The following TRABD2B variants were observed in gnomAD, a reference collection of about 807,000 sequenced individuals.
TRABD2B encodes TraB domain containing 2B, also known as metalloprotease TIKI2.
In TRABD2B, 14 loss-of-function variants were observed where a neutral mutation model predicts 40.1. The observed-to-expected ratio is 0.35, with a 90% CI of 0.23 to 0.55. The LOEUF is 0.55. TRABD2B is among the 20% of genes least tolerant of loss of function. The pLI is 0.90. For missense variants in TRABD2B, 541 were observed against 648.6 expected (o/e 0.83, Z 1.80); for synonymous variants, 263 against 277.0 (o/e 0.95, Z 0.50).
chr1:47,958,373 T>G (rs1570366821), intron 2 of TRABD2B, among the ~76,000 whole-genome samples: 1 of 146,870 alleles, frequency 6.8e-6, no homozygotes, highest in African/African-American at 2.5e-5. Context: ...TAACCTTAAA[T>G]GTAAATGGGC....
chr1:47,965,943 C>A (rs551635377), intron 2 of TRABD2B, among the ~76,000 whole-genome samples: 1 of 152,274 alleles, frequency 6.6e-6, no homozygotes, highest in East Asian at 1.9e-4. Context: ...GCAGCAGACA[C>A]CCCTCACTGT....
chr1:47,924,387 C>T (rs1162648527), intron 2 of TRABD2B, among the ~76,000 whole-genome samples: 1 of 152,184 alleles, frequency 6.6e-6, no homozygotes, highest in African/African-American at 2.4e-5. Context: ...AAGCTCTTCT[C>T]CCCAGCCTAC....
At position 47,886,037 on chromosome 1, in the gene TRABD2B, T is replaced by C. The variant is rs200022764; in HGVS notation, c.667-84418A>G. Among the ~76,000 whole-genome samples, 25 of 152,312 alleles carry C rather than the reference T, an allele frequency of 1.6e-4. No individual in the cohort carries two copies. The East Asian group carries it at 3.1e-3, about 19-fold the overall frequency. On this transcript the variant is annotated intron_variant, in intron 2 of 6. Transcript: ENST00000606738. ...ATTTTGTAGCTATTGGATAAGAATA[T>C]AGGAAGTGAGATAGAGAAACTGCGA...
chr1:47,843,210 C>G (rs532072975), intron 2 of TRABD2B, among the ~76,000 whole-genome samples: 1 of 152,152 alleles, frequency 6.6e-6, no homozygotes, highest in South Asian at 2.1e-4. Flanking sequence ...GGTTTTAAGC[C>G]GGGGGCATAA....
intron 2 of TRABD2B, among the ~76,000 whole-genome samples, chr1:47,982,573 G>A (rs1347342899): frequency 6.6e-6 from 1 of 152,154 alleles, no homozygotes; most frequent in African/African-American, 2.4e-5. Flanking sequence ...AAAGTACTTA[G>A]CCTCAGTGTC....
intron 2 of TRABD2B, among the ~76,000 whole-genome samples, chr1:47,870,718 G>A (rs1644128995): frequency 6.6e-6 from 1 of 152,176 alleles, no homozygotes; most frequent in Admixed American, 6.5e-5. Context: ...CACAGACATG[G>A]GAGGAGGTAC....
chr1:47,872,568 G>A (rs1644159789), intron 2 of TRABD2B, among the ~76,000 whole-genome samples: 1 of 152,210 alleles, frequency 6.6e-6, no homozygotes, highest in South Asian at 2.1e-4. Flanking sequence ...AGGCAGCTGA[G>A]CAGAAGTGGG....
intron 5 of TRABD2B, 91 bp from the exon 6 acceptor site, chr1:47,775,530 C>A: frequency 1.7e-6 from 2 of 1,203,766 alleles, no homozygotes; most frequent in Non-Finnish European, 2.1e-6. Flanking sequence ...GGGAGTTTGT[C>A]ATGGCAGGAG....
intron 4 of TRABD2B, among the ~76,000 whole-genome samples, chr1:47,782,359 T>G (rs2124121882): frequency 6.6e-6 from 1 of 152,294 alleles, no homozygotes; most frequent in South Asian, 2.1e-4. Context: ...CCTGAATCAC[T>G]GCAGAAACTG....
chr1:47,946,132 A>G (rs890297538), intron 2 of TRABD2B, among the ~76,000 whole-genome samples: 3 of 152,188 alleles, frequency 2.0e-5, no homozygotes, highest in Non-Finnish European at 4.4e-5. Flanking sequence ...GCATTTTTCT[A>G]ATGACTAAAC....
chr1:47,891,212 G>A (rs1284854576), intron 2 of TRABD2B, among the ~76,000 whole-genome samples: 3 of 152,192 alleles, frequency 2.0e-5, no homozygotes, highest in African/African-American at 7.2e-5. Flanking sequence ...ATCATACTAG[G>A]CACTGTTCAC....
chr1:47,818,633 G>A (rs1645066471), intron 2 of TRABD2B: 1 of 152,284 alleles, frequency 6.6e-6, no homozygotes, highest in Admixed American at 6.5e-5. Context: ...TTCCAGGGGA[G>A]GGTGCACGTG....
chr1:47,849,846 C>T (rs1645523600), intron 2 of TRABD2B, among the ~76,000 whole-genome samples: 1 of 152,194 alleles, frequency 6.6e-6, no homozygotes, highest in South Asian at 2.1e-4. Flanking sequence ...ACACAACTGC[C>T]TTCCTGCTCC....
intron 3 of TRABD2B, among the ~76,000 whole-genome samples, chr1:47,799,816 C>T (rs1480747686): frequency 6.6e-6 from 1 of 152,116 alleles, no homozygotes; most frequent in Admixed American, 6.5e-5. Flanking sequence ...TCCTTCTCTC[C>T]CCAGTCCCAG....
At chr1:47,980,830 A>C (rs557683211) in intron 2 of TRABD2B, among the ~76,000 whole-genome samples, 1 of 150,850 alleles carries the variant, frequency 6.6e-6, no homozygotes, top group African/African-American at 2.4e-5. Context: ...GGACTATCTC[A>C]CTCTCTGCTT....
At chr1:47,980,132 C>T (rs539315043) in intron 2 of TRABD2B, among the ~76,000 whole-genome samples, 3 of 152,286 alleles carry the variant, frequency 2.0e-5, no homozygotes, top group Admixed American at 2.0e-4. Context: ...TGCCTAGTCT[C>T]CCCATGCTTC....
chr1:47,775,242 T>G lies in TRABD2B; in HGVS notation c.1277A>C (p.Lys426Thr). The G allele has an allele frequency of 2.4e-6, 3 of 1,254,170 alleles. No individual in the cohort carries two copies. The highest frequency in any genetic ancestry group is 3.0e-6 in the Non-Finnish European group (3 of 997,236). The allele number at this position is 1,254,170 out of a possible 1,614,324, so 77.7% of individuals were successfully genotyped here. Residue 426 changes from lysine to threonine, a missense_variant, in exon 6 of 7, where the codon AAG becomes ACG. This residue lies in a region of TRABD2B where 172 missense variants were observed against 155.8 expected (regional missense o/e 1.10). Coordinates refer to ENST00000606738, the MANE Select transcript of TRABD2B (RefSeq NM_001194986.2). Reference sequence around the variant, plus strand: ...GTGTGTGCTCTGCCTCTTGTGCCACTTCCTCTGCCGGCCAAACTCCTCCAG... The same window carrying G: ...GTGTGTGCTCTGCCTCTTGTGCCACGTCCTCTGCCGGCCAAACTCCTCCAG... ...SQLEEFGRQR[K>T]WHKRQSTHQR...
At chr1:47,953,620 A>G (rs1192728151) in intron 2 of TRABD2B, among the ~76,000 whole-genome samples, 1 of 152,216 alleles carries the variant, frequency 6.6e-6, no homozygotes, top group Admixed American at 6.5e-5. Flanking sequence ...ACCTTGAGCT[A>G]GTCACTTCAC....
chr1:47,869,574 G>A (rs186633395), intron 2 of TRABD2B, among the ~76,000 whole-genome samples: 278 of 152,310 alleles, frequency 1.8e-3, no homozygotes, highest in African/African-American at 6.1e-3. Flanking sequence ...GGGGAGGTAA[G>A]GACTGGTTCG....
Sources: gnomAD v4.1 joint callset for allele counts (sites outside exome capture counted in the v4.1 genomes callset) on GRCh38, gnomAD v4.1.1 for gene constraint, gnomAD v4.1.1 regional missense constraint, MANE v1.5 for transcripts, NCBI Gene and HGNC (gene_info 2026-07-23, HGNC 2026-07-21) for gene names.